CRY1: variants seen among roughly 807,000 people sequenced by gnomAD.
The protein encoded by CRY1 is cryptochrome-1.
Under a neutral mutation model 76.0 loss-of-function variants are expected in CRY1, and 45 were observed. The observed-to-expected ratio is 0.59, with a 90% CI of 0.47 to 0.76. CRY1 has a LOEUF of 0.76. CRY1 is among the 30% of genes least tolerant of loss of function. CRY1 has a pLI of 0.00. For synonymous variants in CRY1, 248 were observed against 244.0 expected, an observed-to-expected ratio of 1.02 and a Z score of -0.15; for missense variants, 587 against 716.4, an observed-to-expected ratio of 0.82 and a Z score of 2.06.
intron 1 of CRY1, among the ~76,000 whole-genome samples, chr12:107,032,570 C>T (rs1372699348): frequency 6.6e-6 from 1 of 152,100 alleles, no homozygotes; most frequent in East Asian, 1.9e-4. Flanking sequence ...AAAACTCAGA[C>T]TTCAGGCCAG....
chr12:107,047,612 C>T (rs1593523915), intron 1 of CRY1, among the ~76,000 whole-genome samples: 1 of 152,148 alleles, frequency 6.6e-6, no homozygotes, highest in South Asian at 2.1e-4. Context: ...GCTTGGCACT[C>T]ATTTTCCTTC....
intron 3 of CRY1, among the ~76,000 whole-genome samples, chr12:107,004,825 G>A (rs1952351947): frequency 6.6e-6 from 1 of 152,118 alleles, no homozygotes; most frequent in Non-Finnish European, 1.5e-5. Flanking sequence ...GAGTAGTCAA[G>A]GAAAATTCTG....
rs1952254387 is a variant in CRY1 at position 106,998,071 on chromosome 12, A to G, written c.1138-5T>C. ...AAGCAATAATTCTTCAAATACCTTC[A>G]GAAGTAACAGTAACCAATTAGTTTG... On this transcript the variant is annotated splice_polypyrimidine_tract_variant and splice_region_variant and intron_variant, in intron 7 of 12. Transcript: ENST00000008527. 3 of 1,613,934 alleles carry G rather than the reference A, an allele frequency of 1.9e-6. No individual in the cohort carries two copies. Among genetic ancestry groups the G allele is most frequent in the Non-Finnish European group, 2.5e-6 (3 of 1,179,916 alleles).
intron 1 of CRY1, among the ~76,000 whole-genome samples, chr12:107,083,490 C>T (rs950715538): frequency 6.6e-6 from 1 of 152,086 alleles, no homozygotes; most frequent in African/African-American, 2.4e-5. Flanking sequence ...AAAGCTTATC[C>T]ACACGATCAA....
chr12:107,058,526 T>C (rs929203645), intron 1 of CRY1, among the ~76,000 whole-genome samples: 6 of 152,204 alleles, frequency 3.9e-5, no homozygotes, highest in Non-Finnish European at 8.8e-5. Context: ...GTGTGCTTAC[T>C]TTCCTCAGGA....
intron 1 of CRY1, among the ~76,000 whole-genome samples, chr12:107,037,781 T>C (rs1952753153): frequency 6.6e-6 from 1 of 152,160 alleles, no homozygotes; most frequent in South Asian, 2.1e-4. Flanking sequence ...TGATCATAGC[T>C]CACTGCAGCC....
chr12:107,006,239 A>C (rs1412694933), intron 2 of CRY1, among the ~76,000 whole-genome samples: 2 of 152,084 alleles, frequency 1.3e-5, no homozygotes, highest in East Asian at 3.9e-4. Context: ...TAAAATCATT[A>C]GCTGGGTATG....
chr12:107,090,592 T>C (rs1195204829), intron 1 of CRY1, among the ~76,000 whole-genome samples: 4 of 152,222 alleles, frequency 2.6e-5, no homozygotes, highest in Admixed American at 2.6e-4. Context: ...TCCACTAGAA[T>C]GTAGCTCCAA....
chr12:107,092,714 T>TA (rs1953486314), intron 1 of CRY1, 90 bp downstream of exon 1: 1 of 1,554,544 alleles, frequency 6.4e-7, no homozygotes, highest in Admixed American at 1.9e-5. Context: ...GTCCCACGTC[T>TA]AAATTCACAG....
At chr12:107,000,687 T>A (rs1221640285) in intron 5 of CRY1, among the ~76,000 whole-genome samples, 3 of 151,990 alleles carry the variant, frequency 2.0e-5, no homozygotes, top group African/African-American at 7.3e-5. Context: ...TCTCACTCCA[T>A]CACCCAGGCT....
intron 1 of CRY1, among the ~76,000 whole-genome samples, chr12:107,025,711 A>C (rs1484696851): frequency 6.6e-6 from 1 of 152,042 alleles, no homozygotes; most frequent in Admixed American, 6.6e-5. Context: ...TCTCCATTCT[A>C]ATTCATTTTA....
intron 1 of CRY1, chr12:107,073,181 A>G (rs1344391457): frequency 6.6e-6 from 1 of 152,174 alleles, no homozygotes; most frequent in African/African-American, 2.4e-5. Flanking sequence ...TATAAACCAT[A>G]AAAGTTTGAA....
chr12:106,999,497 T>C lies in CRY1; in HGVS notation c.1137+54A>G, dbSNP rs994872828. On this transcript the variant is annotated intron_variant, in intron 7 of 12. Coordinates refer to ENST00000008527, the MANE Select transcript of CRY1 (RefSeq NM_004075.5). Reference sequence around the variant, plus strand: ...CAGACAACTTCTAGGATTTGTTTTATTAAGGTAAGGATTCCTTCAAAATAA... The same window carrying C: ...CAGACAACTTCTAGGATTTGTTTTACTAAGGTAAGGATTCCTTCAAAATAA... The C allele has an allele frequency of 8.8e-6, 13 of 1,480,400 alleles. No individual in the cohort carries two copies. In the African/African-American group the frequency reaches 1.8e-4, roughly 21 times the overall value. The allele number at this position is 1,480,400 out of a possible 1,614,324, so 91.7% of individuals were successfully genotyped here.
chr12:107,086,868 TG>T (rs936289351), intron 1 of CRY1, among the ~76,000 whole-genome samples: 4 of 152,238 alleles, frequency 2.6e-5, no homozygotes, highest in African/African-American at 9.6e-5. Flanking sequence ...GAGAACTCAC[TG>T]TAGAGCAGCG....
intron 1 of CRY1, among the ~76,000 whole-genome samples, chr12:107,045,331 G>C (rs938157939): frequency 6.6e-6 from 1 of 152,094 alleles, no homozygotes; most frequent in Non-Finnish European, 1.5e-5. Flanking sequence ...GCAAAACTGA[G>C]GAAATTTATC....
chr12:107,012,533 T>C (rs1952456874), intron 2 of CRY1, among the ~76,000 whole-genome samples: 1 of 152,220 alleles, frequency 6.6e-6, no homozygotes, highest in South Asian at 2.1e-4. Flanking sequence ...TGGAGATTTA[T>C]TAGGGAGATT....
At chr12:107,079,316 A>T (rs1391498353) in intron 1 of CRY1, among the ~76,000 whole-genome samples, 1 of 152,148 alleles carries the variant, frequency 6.6e-6, no homozygotes, top group Non-Finnish European at 1.5e-5. Context: ...TTTTGCTGAG[A>T]TAAATGCCAT....
At chr12:107,052,390 ATGTACTAAAGAC>A (rs1952933834) in intron 1 of CRY1, among the ~76,000 whole-genome samples, 1 of 152,180 alleles carries the variant, frequency 6.6e-6, no homozygotes, top group Non-Finnish European at 1.5e-5. Context: ...TTGAGAACTT[ATGTACTAAAGAC>A]TGTACTAGAT....
intron 1 of CRY1, among the ~76,000 whole-genome samples, chr12:107,073,643 T>C (rs1236134819): frequency 1.3e-5 from 2 of 151,988 alleles, no homozygotes; most frequent in African/African-American, 2.4e-5. Flanking sequence ...GCAGAAGAAT[T>C]GCATGAACCC....
Sources: gnomAD v4.1 joint callset for allele counts (sites outside exome capture counted in the v4.1 genomes callset) on GRCh38, gnomAD v4.1.1 for gene constraint, MANE v1.5 for transcripts, NCBI Gene and HGNC (gene_info 2026-07-23, HGNC 2026-07-21) for gene names.